Variants in FOCAD observed in about 807,000 individuals in gnomAD.
FOCAD encodes focadhesin, also known as KIAA1797.
A neutral mutation model predicts 225.6 loss-of-function variants in FOCAD; 198 were observed. The ratio of observed to expected loss-of-function variants is 0.88; its 90% CI spans 0.78 to 0.99. The LOEUF is 0.99. FOCAD is among the 50% of genes least tolerant of loss of function. FOCAD has a pLI of 0.00. For synonymous variants in FOCAD, 897 were observed against 755.0 expected, an observed-to-expected ratio of 1.19 and a Z score of -3.08; for missense variants, 2,713 against 2,123.6, an observed-to-expected ratio of 1.28 and a Z score of -5.46.
At chr9:20,786,706 G>A (rs577781671) in intron 10 of FOCAD, among the ~76,000 whole-genome samples, 2 of 152,218 alleles carry the variant, frequency 1.3e-5, no homozygotes, top group East Asian at 3.9e-4. Flanking sequence ...ACTATCAGAT[G>A]TTTATCTTAT....
At chr9:20,991,943 T>C (rs1587806977) in intron 42 of FOCAD, among the ~76,000 whole-genome samples, 1 of 152,234 alleles carries the variant, frequency 6.6e-6, no homozygotes, top group Non-Finnish European at 1.5e-5. Flanking sequence ...TGCTTGACTT[T>C]TTTGCTTATC....
chr9:20,787,038 T>A (rs1819993270), intron 10 of FOCAD: 2 of 417,504 alleles, frequency 4.8e-6, no homozygotes, highest in East Asian at 7.2e-5. Flanking sequence ...GTGGCAGCTG[T>A]CACTCAATGG....
intron 11 of FOCAD, among the ~76,000 whole-genome samples, chr9:20,807,342 C>T (rs181043048): frequency 4.3e-4 from 65 of 152,262 alleles, no homozygotes; most frequent in African/African-American, 1.5e-3. Context: ...TGTGTGCACG[C>T]GCCTGTTTTA....
chr9:20,718,929 C>T (rs955111491), intron 3 of FOCAD, among the ~76,000 whole-genome samples: 1 of 152,168 alleles, frequency 6.6e-6, no homozygotes, highest in Non-Finnish European at 1.5e-5. Context: ...CAGCTGAACA[C>T]AATGTCCTTA....
intron 28 of FOCAD, among the ~76,000 whole-genome samples, chr9:20,943,046 T>C (rs1452065131): frequency 6.6e-6 from 1 of 152,216 alleles, no homozygotes; most frequent in Non-Finnish European, 1.5e-5. Flanking sequence ...TCTGTCAAAT[T>C]GTTATATGCA....
chr9:20,938,947 T>G (rs1337915916), intron 28 of FOCAD, among the ~76,000 whole-genome samples: 1 of 64,510 alleles, frequency 1.6e-5, no homozygotes, highest in African/African-American at 4.3e-5. Context: ...TATATGTATA[T>G]TTTACCTTAA....
chr9:20,806,479 G>T (rs1034618250), intron 11 of FOCAD, among the ~76,000 whole-genome samples: 1 of 151,988 alleles, frequency 6.6e-6, no homozygotes, highest in Non-Finnish European at 1.5e-5. Context: ...AAAATTCTAG[G>T]CAGTAGCCAT....
intron 11 of FOCAD, among the ~76,000 whole-genome samples, chr9:20,805,487 GA>G (rs1236759437): frequency 1.3e-5 from 2 of 152,114 alleles, no homozygotes; most frequent in African/African-American, 4.8e-5. Context: ...GAAACAAAGT[GA>G]TCAGCAATAA....
intron 19 of FOCAD, among the ~76,000 whole-genome samples, chr9:20,878,675 A>G (rs187928726): frequency 1.3e-5 from 2 of 152,298 alleles, no homozygotes; most frequent in East Asian, 3.9e-4. Context: ...ATGTATATAG[A>G]TATATGAGGG....
At chr9:20,672,871 T>G (rs1020143335) in intron 2 of FOCAD, among the ~76,000 whole-genome samples, 6 of 152,258 alleles carry the variant, frequency 3.9e-5, no homozygotes, top group African/African-American at 1.4e-4. Context: ...AAACTTCAGT[T>G]CCATGGATTT....
At chr9:20,955,520 G>C (rs910852327) in intron 35 of FOCAD, among the ~76,000 whole-genome samples, 5 of 58,094 alleles carry the variant, frequency 8.6e-5, no homozygotes, top group African/African-American at 2.5e-4. Context: ...CTATAACTGG[G>C]TCTTTTTTTT....
At chr9:20,962,197 T>C (rs1405437135) in intron 35 of FOCAD, among the ~76,000 whole-genome samples, 1 of 152,148 alleles carries the variant, frequency 6.6e-6, no homozygotes, top group Non-Finnish European at 1.5e-5. Flanking sequence ...CTTTCCTATA[T>C]ATTTTCATGG....
intron 24 of FOCAD, among the ~76,000 whole-genome samples, chr9:20,918,719 G>A (rs1001335943): frequency 1.2e-4 from 15 of 127,982 alleles, no homozygotes; most frequent in African/African-American, 2.0e-4. Context: ...GCGAGACTCC[G>A]TCTCAAAAAA....
chr9:20,753,910 A>G (rs919384436), intron 5 of FOCAD, among the ~76,000 whole-genome samples: 1 of 152,196 alleles, frequency 6.6e-6, no homozygotes, highest in African/African-American at 2.4e-5. Flanking sequence ...TCATCAGCCC[A>G]TCTATCCTTT....
chr9:20,945,390 G>C (rs1837074607), intron 29 of FOCAD, among the ~76,000 whole-genome samples: 2 of 152,140 alleles, frequency 1.3e-5, no homozygotes, highest in South Asian at 4.1e-4. Context: ...TCTTTGAGAG[G>C]AGCAGGGTAT....
At position 20,699,070 on chromosome 9, in the gene FOCAD, C is replaced by A. The variant is rs117647534; in HGVS notation, c.-33+14777C>A. Among the ~76,000 whole-genome samples, 1,102 of 152,274 alleles carry A rather than the reference C, an allele frequency of 7.2e-3. 28 individuals carry two copies. Among genetic ancestry groups the A allele is most frequent in the Admixed American group, 0.045 (689 of 15,284 alleles). On this transcript the variant is annotated intron_variant, in intron 1 of 43. Coordinates refer to ENST00000338382, the MANE Select transcript of FOCAD (RefSeq NM_001375567.1). ...TTCAGCTTCATGGTGCTAAAGTTCC[C>A]TATGAAATTAGGTATGGTAGGTGGG...
At chr9:20,672,906 T>C (rs576069221) in intron 2 of FOCAD, among the ~76,000 whole-genome samples, 2 of 152,384 alleles carry the variant, frequency 1.3e-5, no homozygotes, top group South Asian at 4.1e-4. Flanking sequence ...GTTGCTTTTA[T>C]TTAAATAAAC....
chr9:20,660,392 G>C (rs1343565650), intron 2 of FOCAD, among the ~76,000 whole-genome samples: 1 of 152,122 alleles, frequency 6.6e-6, no homozygotes, highest in Non-Finnish European at 1.5e-5. Flanking sequence ...GAAGTGTAGA[G>C]TCAGGCTATG....
intron 16 of FOCAD, among the ~76,000 whole-genome samples, chr9:20,864,385 C>T (rs1363309348): frequency 6.6e-6 from 1 of 152,094 alleles, no homozygotes; most frequent in African/African-American, 2.4e-5. Flanking sequence ...AACCAAACCA[C>T]TTACAGTGTC....
Sources: allele counts gnomAD v4.1 joint callset (sites outside exome capture counted in the v4.1 genomes callset), GRCh38; gene constraint gnomAD v4.1.1; transcripts MANE v1.5; gene names NCBI Gene and HGNC (gene_info 2026-07-23, HGNC 2026-07-21).